The following KCNQ1 variants were observed in gnomAD, a reference collection of about 807,000 sequenced individuals.
KCNQ1 encodes potassium voltage-gated channel subfamily Q member 1.
KCNQ1 carries 49 observed loss-of-function variants against 72.4 expected under a neutral mutation model. The ratio of observed to expected loss-of-function variants is 0.68; its 90% CI spans 0.54 to 0.86. The LOEUF (loss-of-function observed/expected upper bound fraction) is 0.86. Among genes scored for constraint, KCNQ1 ranks in the 40% least tolerant of loss-of-function variants. The pLI is 0.00. For missense variants in KCNQ1, 790 were observed against 945.1 expected, an observed-to-expected ratio of 0.84 and a Z score of 2.15; for synonymous variants, 450 against 412.6, an observed-to-expected ratio of 1.09 and a Z score of -1.10.
rs1031589590 is a variant in KCNQ1, at chr11:2,482,629, A to C, written c.386+37145A>C. The stretch of plus-strand genomic sequence containing the variant: ...TTAGCTTCCTACTGTGCTGCTGGAC[A>C]TCACTGACTCCCCCCGCCAACCCCC... On this transcript the variant is annotated intron_variant, in intron 1 of 15. Transcript: ENST00000155840. This position sits in a 1 kb window ranked among gnomAD's most constrained non-coding sequence, Gnocchi z 5.7. Among the ~76,000 whole-genome samples the C allele has an allele frequency of 1.3e-5, 2 of 151,992 alleles. No individual in the cohort carries two copies. Among genetic ancestry groups the C allele is most frequent in the Admixed American group, 1.3e-4 (2 of 15,262 alleles).
intron 3 of KCNQ1, 53 bp downstream of exon 3, chr11:2,570,807 G>T: frequency 6.2e-7 from 1 of 1,602,594 alleles, no homozygotes; most frequent in South Asian, 1.1e-5. Flanking sequence ...GACCAGGAAG[G>T]ACCCCCACCT....
chr11:2,547,568 T>C lies in KCNQ1; in HGVS notation c.477+19550T>C, dbSNP rs1042167589. On this transcript the variant is annotated intron_variant, in intron 2 of 15. Transcript: ENST00000155840. The surrounding 1 kb of genome is among the most constrained non-coding windows in gnomAD (Gnocchi z 4.2). ...GTCCTAATAGTTACCTTTATACATATGCCTTTCAAAGTTTCCTTGGTCCCT... is the reference window on the plus strand; with the variant it reads ...GTCCTAATAGTTACCTTTATACATACGCCTTTCAAAGTTTCCTTGGTCCCT... Among the ~76,000 whole-genome samples, 2 of 152,242 alleles carry C rather than the reference T, an allele frequency of 1.3e-5. No individual in the cohort carries two copies. Among genetic ancestry groups the C allele is most frequent in the African/African-American group, 4.8e-5 (2 of 41,452 alleles).
At position 2,623,568 on chromosome 11, in the gene KCNQ1, T is replaced by A; in HGVS notation, c.1393+34714T>A. 2.5e-6 allele frequency: 1 copy of A among 398,616 alleles called. No homozygotes were observed. 24.7% of individuals were successfully genotyped at this position (398,616 alleles called of 1,614,324 possible). A position where few individuals can be genotyped will look rare whatever the true frequency, so the allele number is the denominator to read the frequency against. ...TTATTTCACATAGTAATATGTTTTT[T>A]AATTACCTCCATATCTTTTCATGGC... is the stretch of plus-strand genomic sequence containing the variant. On this transcript the variant is annotated intron_variant, in intron 10 of 15. Coordinates refer to ENST00000155840, the MANE Select transcript of KCNQ1 (RefSeq NM_000218.3). The surrounding 1 kb of genome is among the most constrained non-coding windows in gnomAD (Gnocchi z 5.2).
At chr11:2,825,835 G>A (rs544782300) in intron 15 of KCNQ1, among the ~76,000 whole-genome samples, 51 of 152,286 alleles carry the variant, frequency 3.3e-4, no homozygotes, top group African/African-American at 1.1e-3. Context: ...GGGCAAGGGT[G>A]GAGTTTGGAG....
intron 6 of KCNQ1, among the ~76,000 whole-genome samples, chr11:2,577,856 A>C (rs1218358564): frequency 6.6e-6 from 1 of 152,108 alleles, no homozygotes; most frequent in African/African-American, 2.4e-5. Context: ...TCCCAGAGAC[A>C]GTCCTGCCCC....
At chr11:2,528,581 A>G (rs973503784) in intron 2 of KCNQ1, among the ~76,000 whole-genome samples, 4 of 152,214 alleles carry the variant, frequency 2.6e-5, no homozygotes, top group African/African-American at 9.6e-5. Context: ...GCTGCCTGGA[A>G]GGTGGGGTGC....
rs1162522577 is a variant in KCNQ1 at position 2,748,600 on chromosome 11, C to G, written c.1515-20244C>G. ...CAGCATGAAACTGCAGGTGCAGGAG[C>G]CCCAGCCAGCCTGGAATGTGGGGGC... On this transcript the variant is annotated intron_variant, in intron 11 of 15. Coordinates refer to ENST00000155840, the MANE Select transcript of KCNQ1 (RefSeq NM_000218.3). The surrounding 1 kb of genome is among the most constrained non-coding windows in gnomAD (Gnocchi z 6.2). Among the ~76,000 whole-genome samples the G allele has an allele frequency of 6.6e-6, 1 of 152,206 alleles. No individual in the cohort carries two copies. The highest frequency in any genetic ancestry group is 1.5e-5 in the Non-Finnish European group (1 of 68,022).
rs55771042 is a variant in KCNQ1 at position 2,778,139 on chromosome 11, C to G, written c.1794+102C>G. On this transcript the variant is annotated intron_variant, in intron 15 of 15. Transcript: ENST00000155840. ...TGAACGTGAAGCTCCTGCAGGCCTC[C>G]CCACCTTCCCGCCAGTGCCTACTGC... 29,169 of 1,139,922 alleles carry G rather than the reference C, an allele frequency of 0.026. 477 individuals carry two copies. The highest frequency in any genetic ancestry group is 0.046 in the South Asian group (3,697 of 80,010). The allele number at this position is 1,139,922 out of a possible 1,614,324, so 70.6% of individuals were successfully genotyped here.
chr11:2,745,728 T>G lies in KCNQ1; in HGVS notation c.1515-23116T>G, dbSNP rs1846129451. Reference sequence around the variant, plus strand: ...CCTCTGACACGATACAGGGATTTGCTGACGGTTCCTTGTCTGCTCACTAAG... The same window carrying G: ...CCTCTGACACGATACAGGGATTTGCGGACGGTTCCTTGTCTGCTCACTAAG... On this transcript the variant is annotated intron_variant, in intron 11 of 15. Transcript: ENST00000155840. The surrounding 1 kb of genome is among the most constrained non-coding windows in gnomAD (Gnocchi z 6.2). Among the ~76,000 whole-genome samples the G allele has an allele frequency of 6.6e-6, 1 of 152,226 alleles. No homozygotes were observed. The highest frequency in any genetic ancestry group is 1.5e-5 in the Non-Finnish European group (1 of 68,046).
rs941220638 is a variant in KCNQ1, at chr11:2,783,075, C to T, written c.1794+5038C>T. On this transcript the variant is annotated intron_variant, in intron 15 of 15. Transcript: ENST00000155840. This position sits in a 1 kb window ranked among gnomAD's most constrained non-coding sequence, Gnocchi z 5.2. ...TAACCACTGTCAATCTCATGGCTTT[C>T]TAAATTTTTAAGGTATGCATTTAAG... 9.2e-5 allele frequency among the ~76,000 whole-genome samples: 14 copies of T among 152,104 alleles called. No individual in the cohort carries two copies. The highest frequency in any genetic ancestry group is 3.4e-4 in the African/African-American group (14 of 41,436).
At chr11:2,708,173 CTG>C (rs1850942693) in intron 11 of KCNQ1, among the ~76,000 whole-genome samples, 1 of 152,218 alleles carries the variant, frequency 6.6e-6, no homozygotes, top group African/African-American at 2.4e-5. Flanking sequence ...GGGGAGTCCT[CTG>C]TGACTCTTTC....
intron 2 of KCNQ1, among the ~76,000 whole-genome samples, chr11:2,560,882 C>T (rs967829168): frequency 6.6e-6 from 1 of 152,036 alleles, no homozygotes; most frequent in African/African-American, 2.4e-5. Context: ...TGGGGGAGGG[C>T]TTCACTGCAG....
chr11:2,777,693 T>C, intron 14 of KCNQ1: 1 of 601,924 alleles, frequency 1.7e-6, no homozygotes, highest in Non-Finnish European at 3.0e-6. Flanking sequence ...CTTGCACAGC[T>C]GGCAGTGTGG....
At chr11:2,847,332 T>C (rs952387284) in intron 15 of KCNQ1, among the ~76,000 whole-genome samples, 1 of 152,164 alleles carries the variant, frequency 6.6e-6, no homozygotes, top group African/African-American at 2.4e-5. Context: ...TCTTGACCCT[T>C]AACCCAAATG....
chr11:2,797,229 G>A (rs545807023), intron 15 of KCNQ1, among the ~76,000 whole-genome samples: 2 of 152,244 alleles, frequency 1.3e-5, no homozygotes, highest in Admixed American at 6.5e-5. Flanking sequence ...CGGAGAGGCC[G>A]GGCAGCGCTG....
Position 2,479,696 on chromosome 11 carries a change from C to T in KCNQ1, c.386+34212C>T, listed in dbSNP as rs1370139646. On this transcript the variant is annotated intron_variant, in intron 1 of 15. Transcript: ENST00000155840. This position sits in a 1 kb window ranked among gnomAD's most constrained non-coding sequence, Gnocchi z 4.6. ...CTCTGACATGCCCTGGAGACATTTT[C>T]CCCATTGTCTTAGTGATTAACATTT... 6.6e-6 allele frequency among the ~76,000 whole-genome samples: 1 copy of T among 152,230 alleles called. No individual in the cohort carries two copies. The highest frequency in any genetic ancestry group is 2.4e-5 in the African/African-American group (1 of 41,462).
chr11:2,768,616 C>T lies in KCNQ1; in HGVS notation c.1515-228C>T, dbSNP rs948357331. Among the ~76,000 whole-genome samples, 2 of 152,202 alleles carry T rather than the reference C, an allele frequency of 1.3e-5. No individual in the cohort carries two copies. The highest frequency in any genetic ancestry group is 2.4e-5 in the African/African-American group (1 of 41,436). Reference sequence around the variant, plus strand: ...GACACTCAAGGTAAGGGTCCCCTTCCCACTCACAGATGAGGTGAAACATTT... The same window carrying T: ...GACACTCAAGGTAAGGGTCCCCTTCTCACTCACAGATGAGGTGAAACATTT... On this transcript the variant is annotated intron_variant, in intron 11 of 15. Transcript: ENST00000155840. This position sits in a 1 kb window ranked among gnomAD's most constrained non-coding sequence, Gnocchi z 6.7.
chr11:2,627,464 C>G lies in KCNQ1; in HGVS notation c.1394-34497C>G, dbSNP rs1849280193. On this transcript the variant is annotated intron_variant, in intron 10 of 15. Coordinates refer to ENST00000155840, the MANE Select transcript of KCNQ1 (RefSeq NM_000218.3). The surrounding 1 kb of genome is among the most constrained non-coding windows in gnomAD (Gnocchi z 4.9). ...TTCAACATTTCCTATTTCCCCTACT[C>G]CCTGACCCCTAGTAACCACCCTTCT... 1.3e-5 allele frequency: 5 copies of G among 398,516 alleles called. No individual in the cohort carries two copies. The East Asian group carries it at 1.8e-4, about 14-fold the overall frequency. The allele number at this position is 398,516 out of a possible 1,614,324, so 24.7% of individuals were successfully genotyped here. A position where few individuals can be genotyped will look rare whatever the true frequency, so the allele number is the denominator to read the frequency against.
Position 2,781,947 on chromosome 11 carries a change from G to C in KCNQ1, c.1794+3910G>C, listed in dbSNP as rs1846830899. Reference sequence around the variant, plus strand: ...AGGATGAGAATGCCCCCCAACCCAGGACTCCCAAAACCACACCCTGCCCAT... The same window carrying C: ...AGGATGAGAATGCCCCCCAACCCAGCACTCCCAAAACCACACCCTGCCCAT... On this transcript the variant is annotated intron_variant, in intron 15 of 15. Coordinates refer to ENST00000155840, the MANE Select transcript of KCNQ1 (RefSeq NM_000218.3). The surrounding 1 kb of genome is among the most constrained non-coding windows in gnomAD (Gnocchi z 6.6). Among the ~76,000 whole-genome samples, 1 of 152,008 alleles carries C rather than the reference G, an allele frequency of 6.6e-6. No individual in the cohort carries two copies. The highest frequency in any genetic ancestry group is 6.6e-5 in the Admixed American group (1 of 15,256).
Sources: allele counts gnomAD v4.1 joint callset (sites outside exome capture counted in the v4.1 genomes callset), GRCh38; gene constraint gnomAD v4.1.1; non-coding constraint Gnocchi (gnomAD v3.1); transcripts MANE v1.5; gene names NCBI Gene and HGNC (gene_info 2026-07-23, HGNC 2026-07-21).